WIPF2: variants seen among roughly 807,000 people sequenced by gnomAD.
WIPF2 encodes WAS/WASL interacting protein family member 2.
WIPF2 carries 23 observed loss-of-function variants against 38.8 expected under a neutral mutation model. The observed-to-expected ratio is 0.59, with a 90% confidence interval of 0.43 to 0.84. The LOEUF (loss-of-function observed/expected upper bound fraction) is 0.84, where lower values mean the gene tolerates loss of function less well. Among genes scored for constraint, WIPF2 ranks in the 40% least tolerant of loss-of-function variants. The pLI, the probability that WIPF2 is intolerant of heterozygous loss-of-function variation, is 0.00. For synonymous variants in WIPF2, 210 were observed against 223.2 expected, an observed-to-expected ratio of 0.94 and a Z score of 0.53; for missense variants, 574 against 580.5, an observed-to-expected ratio of 0.99 and a Z score of 0.11.
At chr17:40,256,614 G>T (rs535986509) in intron 2 of WIPF2, 92 bp downstream of exon 2, 4 of 1,463,764 alleles carry the variant, frequency 2.7e-6, no homozygotes, top group South Asian at 2.8e-5. Context: ...ACTCCTTTTG[G>T]TTAAAATTTC....
intron 1 of WIPF2, chr17:40,220,604 T>C (rs1205184289): frequency 2.5e-5 from 3 of 121,058 alleles, no homozygotes; most frequent in African/African-American, 1.1e-4. Flanking sequence ...TATATATATA[T>C]ATATATATAT....
intron 2 of WIPF2, among the ~76,000 whole-genome samples, chr17:40,258,118 C>T (rs1458024125): frequency 1.3e-5 from 2 of 152,172 alleles, no homozygotes; most frequent in African/African-American, 4.8e-5. Context: ...AGAGCTTGGC[C>T]GGGCACGAGT....
At chr17:40,238,544 C>T (rs963486704) in intron 1 of WIPF2, among the ~76,000 whole-genome samples, 1 of 152,036 alleles carries the variant, frequency 6.6e-6, no homozygotes, top group Non-Finnish European at 1.5e-5. Flanking sequence ...CTCAGGTGAT[C>T]TGCCTGCCTC....
At chr17:40,223,599 G>GGGTT (rs1216607863) in intron 1 of WIPF2, among the ~76,000 whole-genome samples, 1 of 130,308 alleles carries the variant, frequency 7.7e-6, no homozygotes, top group East Asian at 2.2e-4. Flanking sequence ...TTTTTTTTGG[G>GGGTT]TTTTTTTTTT....
In WIPF2 at chr17:40,282,083, A is replaced by G. The variant is rs2032558639; in HGVS notation, c.*3858A>G. On this transcript the variant is annotated 3_prime_UTR_variant, in exon 8 of 8. Coordinates refer to ENST00000323571, the MANE Select transcript of WIPF2 (RefSeq NM_133264.5). ...CATCTCTTAAAAACAAAACGAAACAAAACTACAACCACCATCAAAACCACA... is the reference window on the plus strand; with the variant it reads ...CATCTCTTAAAAACAAAACGAAACAGAACTACAACCACCATCAAAACCACA... 6.7e-6 allele frequency: 1 copy of G among 150,278 alleles called. No individual in the cohort carries two copies. The highest frequency in any genetic ancestry group is 6.7e-5 in the Admixed American group (1 of 15,006). The allele number at this position is 150,278 out of a possible 1,614,324, so 9.3% of individuals were successfully genotyped here. A position where few individuals can be genotyped will look rare whatever the true frequency, so the allele number is the denominator to read the frequency against.
intron 1 of WIPF2, among the ~76,000 whole-genome samples, chr17:40,242,814 C>G (rs1325541696): frequency 1.3e-5 from 2 of 152,188 alleles, no homozygotes; most frequent in Admixed American, 1.3e-4. Flanking sequence ...TGAACTATTA[C>G]TGATTTACTG....
intron 1 of WIPF2, among the ~76,000 whole-genome samples, chr17:40,248,453 G>C (rs571104112): frequency 6.6e-6 from 1 of 152,200 alleles, no homozygotes; most frequent in East Asian, 1.9e-4. Context: ...ATAGGCGTCA[G>C]CCACTGTGCC....
intron 5 of WIPF2, among the ~76,000 whole-genome samples, chr17:40,273,280 C>G (rs1020150221): frequency 1.7e-4 from 26 of 152,172 alleles, no homozygotes; most frequent in African/African-American, 6.0e-4. Flanking sequence ...GGCAATCCTC[C>G]CGCCTCGGCC....
At chr17:40,238,984 C>T (rs2031083287) in intron 1 of WIPF2, among the ~76,000 whole-genome samples, 1 of 152,070 alleles carries the variant, frequency 6.6e-6, no homozygotes, top group African/African-American at 2.4e-5. Flanking sequence ...AAGTTATCCT[C>T]CTACCTCCAA....
Position 40,264,973 on chromosome 17 carries a change from C to A in WIPF2, c.797C>A (p.Ser266Tyr). Residue 266 changes from serine (S) to tyrosine (Y), a missense_variant, in exon 5 of 8, where the codon TCT (serine) becomes TAT (tyrosine). Ser to Tyr is a moderately radical substitution (Grantham distance 144). Transcript: ENST00000323571. The stretch of plus-strand genomic sequence containing the variant: ...CCTCCTGGGGTCCCCAATGGACCCT[C>A]TAGCCCCACTAATGAGTCAGCCCCT... ...RQPPGVPNGP[S>Y]SPTNESAPEL... is the part of the protein sequence containing the mutation. 1 of 1,614,168 alleles carries A rather than the reference C, an allele frequency of 6.2e-7. No homozygotes were observed. Among genetic ancestry groups the A allele is most frequent in the Non-Finnish European group, 8.5e-7 (1 of 1,180,018 alleles).
intron 1 of WIPF2, among the ~76,000 whole-genome samples, chr17:40,249,580 A>G (rs2031485925): frequency 6.6e-6 from 1 of 151,382 alleles, no homozygotes; most frequent in Non-Finnish European, 1.5e-5. Flanking sequence ...CAGCCTCCCG[A>G]GTAGCTGGGA....
intron 4 of WIPF2, among the ~76,000 whole-genome samples, chr17:40,263,546 TC>T (rs71152659): frequency 0.13 from 10,838 of 85,410 alleles, 1,237 homozygotes; most frequent in African/African-American, 0.31. Flanking sequence ...TATTTATTCG[TC>T]CCCCCCCCCC....
At chr17:40,249,423 G>A (rs1021531914) in intron 1 of WIPF2, among the ~76,000 whole-genome samples, 1 of 151,680 alleles carries the variant, frequency 6.6e-6, no homozygotes, top group Admixed American at 6.6e-5. Flanking sequence ...AATAGGCTTT[G>A]TCTTTTTAAA....
rs1014306591 is a variant in WIPF2 at position 40,279,586 on chromosome 17, A to T, written c.*1361A>T. ...CCGGGTCCTAAAGAGCACAGAGAAA[A>T]TGGAGGTCCCCAGTCTAGGTAGGAA... is the stretch of plus-strand genomic sequence containing the variant. On this transcript the variant is annotated 3_prime_UTR_variant, in exon 8 of 8. Coordinates refer to ENST00000323571, the MANE Select transcript of WIPF2 (RefSeq NM_133264.5). 1 of 152,624 alleles carries T rather than the reference A, an allele frequency of 6.6e-6. No individual in the cohort carries two copies. Among genetic ancestry groups the T allele is most frequent in the African/African-American group, 2.4e-5 (1 of 41,432 alleles). 9.5% of individuals were successfully genotyped at this position (152,624 alleles called of 1,614,324 possible).
At chr17:40,272,391 T>G (rs2032276222) in intron 5 of WIPF2, among the ~76,000 whole-genome samples, 1 of 152,218 alleles carries the variant, frequency 6.6e-6, no homozygotes, top group Non-Finnish European at 1.5e-5. Context: ...CATATAATAG[T>G]GTTTACAGCT....
rs1004428907 is a variant in WIPF2 at position 40,262,549 on chromosome 17, A to C, written c.221A>C (p.Tyr74Ser). Residue 74 changes from tyrosine (Y) to serine (S), a missense_variant, in exon 4 of 8, where the codon TAT (tyrosine) becomes TCT (serine). Tyr to Ser is a moderately radical substitution (Grantham distance 144). Transcript: ENST00000323571. Reference protein sequence around the residue: ...LEKPKGSSGGYGSGGAALQPK... With the variant: ...LEKPKGSSGGSGSGGAALQPK... ...GAGCCGAAAGGAAGCAGTGGTGGCT[A>C]TGGCTCTGGAGGAGCTGCCCTGCAG... The C allele has an allele frequency of 1.2e-6, 2 of 1,614,036 alleles. No homozygotes were observed. Among genetic ancestry groups the C allele is most frequent in the East Asian group, 2.2e-5 (1 of 44,880 alleles).
At chr17:40,237,399 C>G (rs1415197215) in intron 1 of WIPF2, among the ~76,000 whole-genome samples, 7 of 151,862 alleles carry the variant, frequency 4.6e-5, no homozygotes, top group Non-Finnish European at 8.8e-5. Flanking sequence ...CGCCACAACG[C>G]CCGCCTGATT....
At chr17:40,269,235 G>T (rs893673357) in intron 5 of WIPF2, among the ~76,000 whole-genome samples, 1 of 152,070 alleles carries the variant, frequency 6.6e-6, no homozygotes, top group Non-Finnish European at 1.5e-5. Flanking sequence ...CGGGAGAATC[G>T]CTTGAACCCG....
At chr17:40,236,845 G>T (rs1186807465) in intron 1 of WIPF2, among the ~76,000 whole-genome samples, 1 of 151,958 alleles carries the variant, frequency 6.6e-6, no homozygotes, top group African/African-American at 2.4e-5. Context: ...CTGATCTCAT[G>T]ATCCACCCGC....
Sources: allele counts gnomAD v4.1 joint callset (sites outside exome capture counted in the v4.1 genomes callset), GRCh38; gene constraint gnomAD v4.1.1; transcripts MANE v1.5; gene names NCBI Gene and HGNC (gene_info 2026-07-23, HGNC 2026-07-21).